Variants in ADGRG1 observed in about 807,000 individuals in gnomAD.
The protein encoded by ADGRG1 is adhesion G protein-coupled receptor G1.
In ADGRG1, 53 loss-of-function variants were observed where a neutral mutation model predicts 73.5. That is an observed-to-expected ratio of 0.72 (90% CI 0.58 to 0.91). The LOEUF (loss-of-function observed/expected upper bound fraction) is 0.91, where lower values mean the gene tolerates loss of function less well. ADGRG1 is among the 40% of genes least tolerant of loss of function. The pLI, the probability that ADGRG1 is intolerant of heterozygous loss-of-function variation, is 0.00. For missense variants in ADGRG1, 795 were observed against 871.8 expected (o/e 0.91, Z 1.11); for synonymous variants, 394 against 374.4 (o/e 1.05, Z -0.60).
upstream of ADGRG1, chr16:57,623,918 A>G (rs1375521662): frequency 1.4e-6 from 1 of 713,820 alleles, no homozygotes; most frequent in Non-Finnish European, 1.7e-6. Flanking sequence ...AACTTGCTGC[A>G]AAGCTTTGGG....
At chr16:57,630,483 AG>A in intron 1 of ADGRG1, 1 of 985,704 alleles carries the variant, frequency 1.0e-6, no homozygotes, top group South Asian at 4.7e-5. Flanking sequence ...ATGGGTGTGT[AG>A]GGGTGATCAC....
At position 57,661,530 on chromosome 16, in the gene ADGRG1, G is replaced by C. The variant is rs140656091; in HGVS notation, c.1665-167G>C. 5.1e-6 allele frequency: 5 copies of C among 984,252 alleles called. No individual in the cohort carries two copies. The East Asian group carries it at 5.7e-4, about 112-fold the overall frequency. The allele number at this position is 984,252 out of a possible 1,614,324, so 61.0% of individuals were successfully genotyped here. A position where few individuals can be genotyped will look rare whatever the true frequency, so the allele number is the denominator to read the frequency against. ...CTTAACATTTTCCTTTAAACAATCT[G>C]ACTTGTTAACTCAAATGTATTTTTA... is the stretch of plus-strand genomic sequence containing the variant. On this transcript the variant is annotated intron_variant, in intron 12 of 13. Transcript: ENST00000562631.
upstream of ADGRG1, chr16:57,623,694 C>G: frequency 1.7e-6 from 1 of 604,778 alleles, no homozygotes; most frequent in Non-Finnish European, 2.1e-6. Flanking sequence ...AGACACACAG[C>G]TCCCTTTGTG....
At chr16:57,661,244 C>T (rs1188576637) in intron 12 of ADGRG1, 1 of 980,248 alleles carries the variant, frequency 1.0e-6, no homozygotes, top group African/African-American at 1.7e-5. Flanking sequence ...CCGCTCTTGG[C>T]CACACTGAGG....
Position 57,664,357 on chromosome 16 carries a change from G to C in ADGRG1, c.*775G>C, listed in dbSNP as rs1277380188. The C allele has an allele frequency of 6.6e-6, 1 of 152,372 alleles. No homozygotes were observed. Among genetic ancestry groups the C allele is most frequent in the Non-Finnish European group, 1.5e-5 (1 of 68,206 alleles). 9.4% of individuals were successfully genotyped at this position (152,372 alleles called of 1,614,324 possible). On this transcript the variant is annotated 3_prime_UTR_variant, in exon 14 of 14. Transcript: ENST00000562631. ...ACTGCACAAGCCTCGGCCTGCCCCT[G>C]AGCCAGGCTCGGTACCGATGCGTGG...
intron 10 of ADGRG1, 98 bp from the exon 11 acceptor site, chr16:57,659,315 G>T: frequency 6.3e-7 from 1 of 1,599,790 alleles, no homozygotes; most frequent in Non-Finnish European, 8.5e-7. Flanking sequence ...TGTGTGTCGG[G>T]GTGGGGGGCA....
chr16:57,636,774 A>G (rs2039481476), intron 1 of ADGRG1: 7 of 871,822 alleles, frequency 8.0e-6, no homozygotes, highest in Non-Finnish European at 9.6e-6. Context: ...GCACTGTGCT[A>G]GGTACTGGAG....
chr16:57,646,694 A>G, intron 1 of ADGRG1: 2 of 985,024 alleles, frequency 2.0e-6, no homozygotes, highest in Non-Finnish European at 2.4e-6. Flanking sequence ...CAGCTCTACA[A>G]GGAGGGGGAG....
At chr16:57,628,983 AGTGAGAATGT>A (rs1208294254) in intron 1 of ADGRG1, 181 bp downstream of exon 1, 3 of 479,928 alleles carry the variant, frequency 6.3e-6, no homozygotes, top group East Asian at 2.1e-4. Context: ...TGTGAGAGTG[AGTGAGAATGT>A]GAGTGTGAGT....
At position 57,655,530 on chromosome 16, in the gene ADGRG1, G is replaced by C. The variant is rs587783661; in HGVS notation, c.900G>C (p.Gln300His). ...LVDFSSQALF[Q>H]DKNSSQVLGE... ...ACTTCAGCAGCCAAGCCCTGTTCCA[G>C]GTATGGGGTCCTCACCCTCATGCCT... Residue 300 changes from glutamine to histidine, a missense_variant and splice_region_variant, in exon 6 of 14, where the codon CAG becomes CAC. Physicochemically the swap from Gln to His is conservative, Grantham distance 24. Coordinates refer to ENST00000562631, the MANE Select transcript of ADGRG1 (RefSeq NM_201525.4). 1 of 1,613,852 alleles carries C rather than the reference G, an allele frequency of 6.2e-7. No homozygotes were observed. Among genetic ancestry groups the C allele is most frequent in the Non-Finnish European group, 8.5e-7 (1 of 1,180,030 alleles).
rs761922349 is a variant in ADGRG1, at chr16:57,651,258, A to G, written c.123A>G (p.Thr41=). ...GCTTCTGCAGCCAGCGGAACCAGAC[A>G]CACAGGAGCAGCCTCCACTACAAAC... ...DFRFCSQRNQ[T]HRSSLHYKPT... Residue 41 remains threonine, a synonymous_variant, in exon 3 of 14, where the codon ACA becomes ACG. Transcript: ENST00000562631. The G allele has an allele frequency of 2.5e-6, 4 of 1,614,020 alleles. No homozygotes were observed. The highest frequency in any genetic ancestry group is 3.4e-6 in the Non-Finnish European group (4 of 1,180,020).
chr16:57,640,469 A>C (rs1420855518), intron 1 of ADGRG1, among the ~76,000 whole-genome samples: 2 of 152,226 alleles, frequency 1.3e-5, no homozygotes, highest in African/African-American at 4.8e-5. Context: ...TAAATGCGTG[A>C]ACATGTGTAA....
At position 57,630,486 on chromosome 16, in the gene ADGRG1, G is replaced by T. The variant is rs1264944592; in HGVS notation, c.-36+1684G>T. 5.8e-5 allele frequency: 57 copies of T among 985,774 alleles called. 1 individual carries two copies. In the South Asian group the frequency reaches 7.5e-4, roughly 13 times the overall value. The allele number at this position is 985,774 out of a possible 1,614,324, so 61.1% of individuals were successfully genotyped here. A position where few individuals can be genotyped will look rare whatever the true frequency, so the allele number is the denominator to read the frequency against. On this transcript the variant is annotated intron_variant, in intron 1 of 13. Transcript: ENST00000562631. ...CTCAGCTGCTAAATGGGTGTGTAGG[G>T]GTGATCACAGCTGCCCTGGCTCCCG...
upstream of ADGRG1, chr16:57,624,094 C>A: frequency 1.9e-6 from 1 of 522,098 alleles, no homozygotes; most frequent in Non-Finnish European, 2.5e-6. Context: ...ATGATGTTGG[C>A]CAAGATTTAT....
At chr16:57,630,429 C>T (rs1435671306) in intron 1 of ADGRG1, 35 of 985,622 alleles carry the variant, frequency 3.6e-5, no homozygotes, top group Admixed American at 1.2e-4. Flanking sequence ...CACTGTGGCC[C>T]CCTTGCCCTT....
chr16:57,635,195 CT>C, intron 1 of ADGRG1: 1 of 985,346 alleles, frequency 1.0e-6, no homozygotes. Context: ...GGCACTTCCC[CT>C]GCCCCCCACC....
At chr16:57,652,879 C>A (rs2044450589) in intron 3 of ADGRG1, 2 of 1,189,194 alleles carry the variant, frequency 1.7e-6, no homozygotes, top group Admixed American at 4.1e-5. Context: ...CCCCGCACAT[C>A]CCTCCTAAGG....
upstream of ADGRG1, chr16:57,628,551 G>C: frequency 2.0e-6 from 2 of 985,602 alleles, no homozygotes; most frequent in Non-Finnish European, 2.4e-6. Context: ...CCCCAGTCAA[G>C]CTCAGGGAGG....
In ADGRG1 at chr16:57,655,990, C is replaced by T. The variant is rs1173959112; in HGVS notation, c.1015C>T (p.Pro339Ser). The T allele has an allele frequency of 6.2e-7, 1 of 1,613,934 alleles. No individual in the cohort carries two copies. Among genetic ancestry groups the T allele is most frequent in the African/African-American group, 1.3e-5 (1 of 74,940 alleles). The change falls in exon 7 of 14, where the codon CCG (proline) becomes TCG (serine). Residue 339 changes from proline to serine, a missense_variant and splice_region_variant. Pro to Ser is a moderately conservative substitution (Grantham distance 74). Coordinates refer to ENST00000562631, the MANE Select transcript of ADGRG1 (RefSeq NM_201525.4). ...GCTCACTTTCCAGCACCAGCTACAG[C>T]CGGTGAGTGGGGGCCAGCCATCAAG... The part of the protein sequence containing the change: ...VVLTFQHQLQ[P>S]KNVTLQCVFW...
Sources: allele counts gnomAD v4.1 joint callset (sites outside exome capture counted in the v4.1 genomes callset), GRCh38; gene constraint gnomAD v4.1.1; transcripts MANE v1.5; gene names NCBI Gene and HGNC (gene_info 2026-07-23, HGNC 2026-07-21).